Variants in MIA2 observed in about 807,000 individuals in gnomAD.
MIA2 encodes melanoma inhibitory activity protein 2.
MIA2 carries 127 observed loss-of-function variants against 167.8 expected under a neutral mutation model. The ratio of observed to expected loss-of-function variants is 0.76; its 90% CI spans 0.66 to 0.88. MIA2 has a LOEUF of 0.88. MIA2 is among the 40% of genes least tolerant of loss of function. The pLI is 0.00. For synonymous variants in MIA2, 552 were observed against 541.9 expected, an observed-to-expected ratio of 1.02 and a Z score of -0.26; for missense variants, 1,690 against 1,624.7, an observed-to-expected ratio of 1.04 and a Z score of -0.69.
intron 9 of MIA2, among the ~76,000 whole-genome samples, chr14:39,283,908 C>T (rs2059284386): frequency 6.6e-6 from 1 of 152,128 alleles, no homozygotes; most frequent in East Asian, 1.9e-4. Flanking sequence ...AATATTAACC[C>T]CTTATCTGAT....
rs2053622278 is a variant in MIA2, at chr14:39,233,915, G to A, written c.-200G>A. The stretch of plus-strand genomic sequence containing the variant: ...ACAGGAATACCTGACACTGCAGATT[G>A]AAAACAGACAGTGTTTGTCTCTCAA... On this transcript the variant is annotated 5_prime_UTR_variant, in exon 1 of 29. Coordinates refer to ENST00000640607, the MANE Select transcript of MIA2 (RefSeq NM_001329214.4). 2 of 450,854 alleles carry A rather than the reference G, an allele frequency of 4.4e-6. No homozygotes were observed. The highest frequency in any genetic ancestry group is 7.8e-6 in the Non-Finnish European group (2 of 255,336). 27.9% of individuals were successfully genotyped at this position (450,854 alleles called of 1,614,324 possible). A position where few individuals can be genotyped will look rare whatever the true frequency, so the allele number is the denominator to read the frequency against.
chr14:39,267,198 C>T, intron 6 of MIA2: 2 of 1,303,128 alleles, frequency 1.5e-6, no homozygotes, highest in Non-Finnish European at 2.0e-6. Flanking sequence ...GGGTACGTCG[C>T]AGGCTTGTGC....
chr14:39,353,241 T>C (rs373839767), downstream of MIA2, among the ~76,000 whole-genome samples: 2 of 152,174 alleles, frequency 1.3e-5, no homozygotes, highest in Non-Finnish European at 2.9e-5. Context: ...ATATAAAATA[T>C]TGTTACTAAG....
At chr14:39,342,214 A>G (rs1051009975) in intron 25 of MIA2, among the ~76,000 whole-genome samples, 1 of 129,218 alleles carries the variant, frequency 7.7e-6, no homozygotes, top group Non-Finnish European at 1.5e-5. Context: ...TCCTGTGTCC[A>G]TGTGTTCTCA....
chr14:39,289,950 A>G (rs149302687), intron 9 of MIA2, among the ~76,000 whole-genome samples: 18 of 152,156 alleles, frequency 1.2e-4, no homozygotes, highest in Admixed American at 3.9e-4. Flanking sequence ...ATTCTTTTCT[A>G]AGTTTGGTCG....
chr14:39,327,643 G>A (rs143271031), intron 25 of MIA2, among the ~76,000 whole-genome samples: 2,930 of 151,100 alleles, frequency 0.019, 103 homozygotes, highest in African/African-American at 0.068. Context: ...GAGAGGCCCC[G>A]GTGTGTGATG....
At chr14:39,281,056 G>A (rs770835402) in intron 9 of MIA2, among the ~76,000 whole-genome samples, 16 of 151,368 alleles carry the variant, frequency 1.1e-4, no homozygotes, top group Non-Finnish European at 2.1e-4. Flanking sequence ...CTGAGTAGCT[G>A]GGATTACAGG....
intron 23 of MIA2, among the ~76,000 whole-genome samples, chr14:39,375,891 A>G (rs917549349): frequency 1.8e-4 from 27 of 152,220 alleles, no homozygotes; most frequent in Non-Finnish European, 3.2e-4. Flanking sequence ...AAAGCAGGAT[A>G]TTGTTATTTT....
chr14:39,321,843 C>G (rs1382178653), intron 24 of MIA2, among the ~76,000 whole-genome samples: 2 of 151,274 alleles, frequency 1.3e-5, no homozygotes, highest in African/African-American at 2.4e-5. Flanking sequence ...TCACTGCAAC[C>G]TCTGCCTCCC....
chr14:39,354,510 T>A (rs955991569), downstream of MIA2, among the ~76,000 whole-genome samples: 3 of 152,208 alleles, frequency 2.0e-5, no homozygotes, highest in Admixed American at 6.5e-5. Flanking sequence ...TTTTGTAGGT[T>A]GCCTGTTTAT....
Position 39,234,076 on chromosome 14 carries a change from C to A in MIA2, c.-39C>A. 1 of 1,373,044 alleles carries A rather than the reference C, an allele frequency of 7.3e-7. No homozygotes were observed. Among genetic ancestry groups the A allele is most frequent in the Non-Finnish European group, 1.0e-6 (1 of 975,088 alleles). The allele number at this position is 1,373,044 out of a possible 1,614,324, so 85.1% of individuals were successfully genotyped here. ...ACATCTCTACAACCTGAACAATTGGCTTAAACTTCACTTGGGATTCCCGGT... is the reference window on the plus strand; with the variant it reads ...ACATCTCTACAACCTGAACAATTGGATTAAACTTCACTTGGGATTCCCGGT... On this transcript the variant is annotated 5_prime_UTR_variant, in exon 1 of 29. Transcript: ENST00000640607.
At chr14:39,283,747 G>T (rs1358718152) in intron 9 of MIA2, among the ~76,000 whole-genome samples, 1 of 152,082 alleles carries the variant, frequency 6.6e-6, no homozygotes, top group Admixed American at 6.6e-5. Flanking sequence ...GCATATCCTT[G>T]ATGATTGGTG....
rs1290203168 is a variant in MIA2 at position 39,326,397 on chromosome 14, T to C, written c.3497-467T>C. Among the ~76,000 whole-genome samples, 4 of 152,244 alleles carry C rather than the reference T, an allele frequency of 2.6e-5. No homozygotes were observed. The East Asian group carries it at 7.7e-4, about 29-fold the overall frequency. Reference sequence around the variant, plus strand: ...GAATTTGGGCAGAAGTAGAGAGTCATGTTTTAACTTTGAGATGCAGTTTTT... The same window carrying C: ...GAATTTGGGCAGAAGTAGAGAGTCACGTTTTAACTTTGAGATGCAGTTTTT... On this transcript the variant is annotated intron_variant, in intron 24 of 28. Coordinates refer to ENST00000640607, the MANE Select transcript of MIA2 (RefSeq NM_001329214.4).
In MIA2 at chr14:39,302,221, C is replaced by A. The variant is rs753465957; in HGVS notation, c.2712C>A (p.Asn904Lys). The stretch of plus-strand genomic sequence containing the variant: ...ATGATAACTTGGAATTAGAAATGAA[C>A]AGTGAATCGGAAAATGGTGCTTACT... The part of the protein sequence containing the change: ...TDDDNLELEM[N>K]SESENGAYLD... The change falls in exon 15 of 29, where the codon AAC (asparagine) becomes AAA (lysine). Residue 904 changes from asparagine (N) to lysine (K), a missense_variant. Physicochemically the swap from Asn to Lys is moderately conservative, Grantham distance 94. Transcript: ENST00000640607. The A allele has an allele frequency of 6.2e-7, 1 of 1,613,754 alleles. No individual in the cohort carries two copies. Among genetic ancestry groups the A allele is most frequent in the Non-Finnish European group, 8.5e-7 (1 of 1,179,780 alleles).
At chr14:39,262,199 T>C (rs1250836391) in intron 6 of MIA2, among the ~76,000 whole-genome samples, 1 of 152,230 alleles carries the variant, frequency 6.6e-6, no homozygotes, top group South Asian at 2.1e-4. Context: ...AGTTTCAGCT[T>C]TCTACATATG....
At chr14:39,372,554 T>C (rs575884486) in intron 23 of MIA2, among the ~76,000 whole-genome samples, 125 of 152,292 alleles carry the variant, frequency 8.2e-4, no homozygotes, top group African/African-American at 2.6e-3. Context: ...TGCCTGCAGA[T>C]TGCATGAACT....
At chr14:39,265,841 T>G in intron 6 of MIA2, 2 of 321,002 alleles carry the variant, frequency 6.2e-6, no homozygotes, top group Non-Finnish European at 9.1e-6. Flanking sequence ...TTCACATAAT[T>G]TTAATACACA....
intron 6 of MIA2, among the ~76,000 whole-genome samples, chr14:39,272,864 T>A (rs2057384572): frequency 6.6e-6 from 1 of 152,250 alleles, no homozygotes; most frequent in African/African-American, 2.4e-5. Flanking sequence ...AGTGTGCACT[T>A]CTTTTGTTAA....
intron 23 of MIA2, among the ~76,000 whole-genome samples, chr14:39,370,959 A>G (rs1480380465): frequency 3.3e-5 from 5 of 152,262 alleles, no homozygotes; most frequent in Non-Finnish European, 7.3e-5. Flanking sequence ...TTGCATTTAC[A>G]TATTTCCTTC....
Sources: allele counts gnomAD v4.1 joint callset (sites outside exome capture counted in the v4.1 genomes callset), GRCh38; gene constraint gnomAD v4.1.1; transcripts MANE v1.5; gene names NCBI Gene and HGNC (gene_info 2026-07-23, HGNC 2026-07-21).